WNK2: variants seen among roughly 807,000 people sequenced by gnomAD.
The protein encoded by WNK2 is WNK lysine deficient protein kinase 2, also known as serine/threonine-protein kinase WNK2.
A neutral mutation model predicts 192.1 loss-of-function variants in WNK2; 67 were observed. That is an observed-to-expected ratio of 0.35 (90% CI 0.29 to 0.43). The LOEUF is 0.43. Ranked by LOEUF, WNK2 falls within the 20% of genes least tolerant of loss-of-function variation. The probability of loss-of-function intolerance (pLI) is 1.00; values close to 1 mark genes in which losing one functional copy is unlikely to be tolerated. For synonymous variants in WNK2, 1,439 were observed against 1,393.9 expected (o/e 1.03, Z -0.72); for missense variants, 2,698 against 3,089.7 (o/e 0.87, Z 3.01).
intron 4 of WNK2, among the ~76,000 whole-genome samples, chr9:93,234,329 G>T (rs181058793): frequency 2.6e-3 from 402 of 152,330 alleles, no homozygotes; most frequent in African/African-American, 9.1e-3. Context: ...GGTGGGCTGA[G>T]TGTACCCAGC....
At chr9:93,269,022 C>T (rs998947973) in intron 19 of WNK2, 11 of 1,349,668 alleles carry the variant, frequency 8.2e-6, no homozygotes, top group African/African-American at 7.2e-5. Context: ...TGAAGAGCTC[C>T]GCTGTCCTTC....
At position 93,185,368 on chromosome 9, in the gene WNK2, G is replaced by A; in HGVS notation, c.439G>A (p.Ala147Thr). The A allele has an allele frequency of 8.3e-6, 13 of 1,574,428 alleles. No homozygotes were observed. The highest frequency in any genetic ancestry group is 9.5e-6 in the Non-Finnish European group (11 of 1,162,816). ...PAPDGGPREE[A>T]AATVRKEDEG... ...CCCCGACGGCGGCCCCAGGGAGGAG[G>A]CGGCGGCGACCGTGAGGAAGGAGGA... The change falls in exon 2 of 30, where the codon GCG (alanine) becomes ACG (threonine). Residue 147 changes from alanine (A) to threonine (T), a missense_variant. Coordinates refer to ENST00000427277, the MANE Select transcript of WNK2 (RefSeq NM_006648.4).
chr9:93,238,434 C>A, intron 6 of WNK2, 113 bp downstream of exon 6: 1 of 1,044,148 alleles, frequency 9.6e-7, no homozygotes, highest in Non-Finnish European at 1.4e-6. Context: ...CAGGCTCAGG[C>A]CAGGGTGTCT....
chr9:93,243,713 G>A (rs1250950693), intron 7 of WNK2, among the ~76,000 whole-genome samples: 1 of 152,166 alleles, frequency 6.6e-6, no homozygotes, highest in African/African-American at 2.4e-5. Flanking sequence ...TTGACGCTGG[G>A]TCCCTATGGG....
intron 28 of WNK2, chr9:93,315,495 G>A (rs1854473388): frequency 6.6e-6 from 1 of 152,122 alleles, no homozygotes; most frequent in Non-Finnish European, 1.5e-5. Context: ...TATTTTCTTT[G>A]GGGACATGGA....
chr9:93,242,518 A>G (rs141292607), intron 7 of WNK2, among the ~76,000 whole-genome samples: 5 of 152,352 alleles, frequency 3.3e-5, no homozygotes, highest in Non-Finnish European at 2.9e-5. Context: ...CAGGTGCACC[A>G]TTTCTCTGCC....
intron 26 of WNK2, chr9:93,300,361 T>C (rs906931302): frequency 2.1e-6 from 1 of 479,036 alleles, no homozygotes; most frequent in Non-Finnish European, 3.7e-6. Context: ...ACAGCGTGTG[T>C]GCATGCTCAT....
At chr9:93,262,564 G>A (rs879380934) in intron 13 of WNK2, 106 bp from the exon 14 acceptor site, 31 of 1,262,052 alleles carry the variant, frequency 2.5e-5, no homozygotes, top group Non-Finnish European at 3.1e-5. Context: ...AGCGGGGCAG[G>A]CTGGGCTGAG....
At chr9:93,306,630 C>A (rs566461416) in intron 26 of WNK2, 147 bp from the exon 27 acceptor site, 2 of 1,026,604 alleles carry the variant, frequency 1.9e-6, no homozygotes, top group African/African-American at 1.6e-5. Flanking sequence ...CCCGTTTCCC[C>A]CGGCCGGGTC....
chr9:93,292,571 G>A lies in WNK2; in HGVS notation c.5106G>A (p.Glu1702=). 1.9e-6 allele frequency: 3 copies of A among 1,567,708 alleles called. No individual in the cohort carries two copies. The highest frequency in any genetic ancestry group is 2.4e-5 in the South Asian group (2 of 84,350). Residue 1702 remains glutamate, a synonymous_variant, in exon 23 of 30, where the codon GAG becomes GAA. Coordinates refer to ENST00000427277, the MANE Select transcript of WNK2 (RefSeq NM_006648.4). ...GAGAAGCTGGAGAAAGCTCGGCAGA[G>A]CCCCCGCCGAGTGACATGGGCACAG... ...DGGEAGESSA[E]PPPSDMGTVG...
rs1298107772 is a variant in WNK2 at position 93,308,442 on chromosome 9, T to C, written c.6374T>C (p.Leu2125Pro). 1 of 1,609,864 alleles carries C rather than the reference T, an allele frequency of 6.2e-7. No individual in the cohort carries two copies. The highest frequency in any genetic ancestry group is 8.5e-7 in the Non-Finnish European group (1 of 1,178,534). Residue 2125 changes from leucine (L) to proline (P), a missense_variant, in exon 28 of 30, where the codon CTG becomes CCG. Transcript: ENST00000427277. ...AAGAAGGGTACCTTCACGGACGACC[T>C]GCACAAGCTGGTGGACGAGTGGACG... The part of the protein sequence containing the change: ...NNKKGTFTDD[L>P]HKLVDEWTSK...
chr9:93,259,726 C>A lies in WNK2; in HGVS notation c.3066+112C>A. 1 of 1,065,030 alleles carries A rather than the reference C, an allele frequency of 9.4e-7. No individual in the cohort carries two copies. 66.0% of individuals were successfully genotyped at this position (1,065,030 alleles called of 1,614,324 possible). On this transcript the variant is annotated intron_variant, in intron 12 of 29. Coordinates refer to ENST00000427277, the MANE Select transcript of WNK2 (RefSeq NM_006648.4). The surrounding 1 kb of genome is among the most constrained non-coding windows in gnomAD (Gnocchi z 4.8). ...AGGAGGCAGCCCTGCCTGGGGTCGC[C>A]CCTCTCAGGAAGAGATGTGTGTGAG... is the stretch of plus-strand genomic sequence containing the variant.
chr9:93,220,293 C>T (rs960740490), intron 2 of WNK2, among the ~76,000 whole-genome samples: 2 of 152,162 alleles, frequency 1.3e-5, no homozygotes, highest in Non-Finnish European at 1.5e-5. Flanking sequence ...GCCTAGGTTC[C>T]ACCCCGTCTC....
chr9:93,215,364 C>A (rs1029997482), intron 2 of WNK2, among the ~76,000 whole-genome samples: 2 of 152,168 alleles, frequency 1.3e-5, no homozygotes, highest in South Asian at 4.1e-4. Context: ...CCCACCTCGG[C>A]CTCCCATAGT....
At chr9:93,264,952 C>T (rs900406604) in intron 16 of WNK2, among the ~76,000 whole-genome samples, 1 of 152,242 alleles carries the variant, frequency 6.6e-6, no homozygotes, top group African/African-American at 2.4e-5. Context: ...GGCTGCATCC[C>T]CCTGGCCACC....
intron 27 of WNK2, chr9:93,308,011 CA>C (rs1337397180): frequency 1.3e-5 from 5 of 393,382 alleles, no homozygotes; most frequent in Admixed American, 4.2e-5. Context: ...AGCTCTCTCA[CA>C]CGTGAGTCTG....
At chr9:93,248,463 A>G (rs1228768063) in intron 8 of WNK2, among the ~76,000 whole-genome samples, 2 of 152,240 alleles carry the variant, frequency 1.3e-5, no homozygotes, top group East Asian at 3.8e-4. Flanking sequence ...AACCTGTCTG[A>G]GAATGACAGT....
chr9:93,289,570 C>T lies in WNK2; in HGVS notation c.4816C>T (p.Pro1606Ser), dbSNP rs749856282. The T allele has an allele frequency of 2.0e-6, 3 of 1,537,116 alleles. No homozygotes were observed. The highest frequency in any genetic ancestry group is 2.6e-6 in the Non-Finnish European group (3 of 1,142,740). The change falls in exon 20 of 30, where the codon CCA (proline) becomes TCA (serine). Residue 1606 changes from proline (P) to serine (S), a missense_variant. Physicochemically the swap from Pro to Ser is moderately conservative, Grantham distance 74. Around this residue, in one of 7 missense-constraint regions of WNK2, gnomAD observed 1,098 missense variants for 1,101.0 expected, o/e 1.00. Transcript: ENST00000427277. ...CTGCGGGGGGGACCTGGCCCTGCCC[C>T]CAGTGCCTAAGGAGGCGGTCTCAGG... The part of the protein sequence containing the change: ...EVCGGDLALP[P>S]VPKEAVSGRV...
intron 2 of WNK2, among the ~76,000 whole-genome samples, chr9:93,224,583 G>A (rs1837493122): frequency 6.6e-6 from 1 of 152,192 alleles, no homozygotes; most frequent in African/African-American, 2.4e-5. Context: ...GTCCTGCCTT[G>A]CCTGTGTGTG....
Sources: allele counts gnomAD v4.1 joint callset (sites outside exome capture counted in the v4.1 genomes callset), GRCh38; gene constraint gnomAD v4.1.1; regional missense constraint gnomAD v4.1.1; non-coding constraint Gnocchi (gnomAD v3.1); transcripts MANE v1.5; gene names NCBI Gene and HGNC (gene_info 2026-07-23, HGNC 2026-07-21).